CDH2: variants seen among roughly 807,000 people sequenced by gnomAD.
CDH2 encodes the protein cadherin-2.
In CDH2, 17 loss-of-function variants were observed where a neutral mutation model predicts 92.0. The observed-to-expected ratio is 0.18, with a 90% confidence interval of 0.13 to 0.28. The LOEUF is 0.28. CDH2 is among the 10% of genes least tolerant of loss of function. The pLI, the probability that CDH2 is intolerant of heterozygous loss-of-function variation, is 1.00. For missense variants in CDH2, 862 were observed against 1,133.1 expected, an observed-to-expected ratio of 0.76 and a Z score of 3.44; for synonymous variants, 419 against 415.9, an observed-to-expected ratio of 1.01 and a Z score of -0.09.
chr18:27,971,308 CT>C lies in CDH2; in HGVS notation c.2350-7788del, dbSNP rs60035433. Among the ~76,000 whole-genome samples, 292 of 114,418 alleles carry C rather than the reference CT, an allele frequency of 2.6e-3. 1 individual carries two copies. The highest frequency in any genetic ancestry group is 5.3e-3 in the East Asian group (20 of 3,770). The allele number at this position is 114,418 out of a possible 152,430, so 75.1% of individuals were successfully genotyped here. A position where few individuals can be genotyped will look rare whatever the true frequency, so the allele number is the denominator to read the frequency against. ...CCTATAGCATTTTTGCATGTCAGTT[CT>C]TTTTTTTTTTTTTTTTGCATAGTAC... On this transcript the variant is annotated intron_variant, in intron 14 of 15. Transcript: ENST00000269141.
chr18:28,025,499 C>T (rs1365012313), intron 2 of CDH2, among the ~76,000 whole-genome samples: 1 of 151,014 alleles, frequency 6.6e-6, no homozygotes, highest in Non-Finnish European at 1.5e-5. Context: ...ACCTGGGTGA[C>T]AGAGCGAGAC....
chr18:28,089,053 A>G (rs1599092181), intron 2 of CDH2, among the ~76,000 whole-genome samples: 1 of 152,238 alleles, frequency 6.6e-6, no homozygotes, highest in Non-Finnish European at 1.5e-5. Flanking sequence ...GCTCTTTCTC[A>G]TAACTGAATA....
At position 27,963,336 on chromosome 18, in the gene CDH2, A is replaced by AAAACG. The variant is rs758166463; in HGVS notation, c.2514+16_2514+20dup. Reference sequence around the variant, plus strand: ...GCATGAAATGAAAACTCTTATAGAGAAAACGAGTGTCTCTCTGTACCTCAT... The same window carrying AAAACG: ...GCATGAAATGAAAACTCTTATAGAGAAAACGAAACGAGTGTCTCTCTGTACCTCAT... On this transcript the variant is annotated intron_variant, in intron 15 of 15. Transcript: ENST00000269141. The AAAACG allele has an allele frequency of 3.2e-5, 51 of 1,612,584 alleles. 2 individuals are homozygous for AAAACG. In the South Asian group the frequency reaches 5.3e-4, roughly 17 times the overall value.
Position 28,102,878 on chromosome 18 carries a change from A to G in CDH2, c.172+44795T>C, listed in dbSNP as rs1304861182. On this transcript the variant is annotated intron_variant, in intron 2 of 15. Transcript: ENST00000269141. ...GGTGAGCAATGCTAAATATCTAGGA[A>G]TCCCTAACACTGCAATTAAAACTGG... 9.9e-5 allele frequency among the ~76,000 whole-genome samples: 15 copies of G among 151,946 alleles called. No homozygotes were observed. The South Asian group carries it at 2.1e-3, about 21-fold the overall frequency.
At chr18:28,067,878 T>C (rs908538990) in intron 2 of CDH2, among the ~76,000 whole-genome samples, 6 of 152,220 alleles carry the variant, frequency 3.9e-5, no homozygotes, top group Non-Finnish European at 8.8e-5. Context: ...TTCTCATTTC[T>C]ATAATGATAA....
At chr18:28,022,239 C>T (rs2013429900) in intron 2 of CDH2, among the ~76,000 whole-genome samples, 1 of 151,842 alleles carries the variant, frequency 6.6e-6, no homozygotes, top group South Asian at 2.1e-4. Flanking sequence ...CTTACCAATC[C>T]TTTCCACACA....
chr18:28,037,026 G>C (rs534640529), intron 2 of CDH2, among the ~76,000 whole-genome samples: 18 of 152,044 alleles, frequency 1.2e-4, no homozygotes, highest in African/African-American at 4.3e-4. Context: ...AAGGAACTTG[G>C]GTGAAAAGTC....
chr18:28,032,389 A>G (rs1431875107), intron 2 of CDH2, among the ~76,000 whole-genome samples: 2 of 152,144 alleles, frequency 1.3e-5, no homozygotes, highest in African/African-American at 4.8e-5. Flanking sequence ...GATTCATAAC[A>G]TAAGAAAACA....
chr18:27,998,282 T>C (rs1381324665), intron 7 of CDH2, among the ~76,000 whole-genome samples: 2 of 152,234 alleles, frequency 1.3e-5, no homozygotes, highest in African/African-American at 2.4e-5. Flanking sequence ...TTGAGCACTA[T>C]GTGCCCAGCA....
Position 27,982,900 on chromosome 18 carries a change from T to C in CDH2, c.2349+44A>G, listed in dbSNP as rs200014016. The C allele has an allele frequency of 4.9e-5, 68 of 1,381,608 alleles. No homozygotes were observed. The African/African-American group carries it at 8.8e-4, about 18-fold the overall frequency. 85.6% of individuals were successfully genotyped at this position (1,381,608 alleles called of 1,614,324 possible). ...TTAACACTTCCCACTATTAAATTTA[T>C]ACGATCATAAAATTTATTTTTAAAG... is the stretch of plus-strand genomic sequence containing the variant. On this transcript the variant is annotated intron_variant, in intron 14 of 15. Coordinates refer to ENST00000269141, the MANE Select transcript of CDH2 (RefSeq NM_001792.5).
chr18:27,984,936 T>C (rs1027542323), intron 13 of CDH2, 64 bp downstream of exon 13: 52 of 1,311,208 alleles, frequency 4.0e-5, no homozygotes, highest in Non-Finnish European at 5.4e-5. Flanking sequence ...TAGCAACACA[T>C]GACTTTGCTG....
chr18:28,100,270 A>AC (rs1233517946), intron 2 of CDH2, among the ~76,000 whole-genome samples: 2 of 152,212 alleles, frequency 1.3e-5, no homozygotes, highest in Non-Finnish European at 2.9e-5. Context: ...AATCAGCTGA[A>AC]GACCAGTTGA....
chr18:28,112,471 T>C (rs1054447500), intron 2 of CDH2, among the ~76,000 whole-genome samples: 3 of 152,036 alleles, frequency 2.0e-5, no homozygotes, highest in South Asian at 2.1e-4. Flanking sequence ...GGCACCGAGG[T>C]GGTGGATTCA....
Position 28,013,830 on chromosome 18 carries a change from A to G in CDH2, c.252T>C (p.Asp84=). 6.2e-7 allele frequency: 1 copy of G among 1,613,994 alleles called. No individual in the cohort carries two copies. Among genetic ancestry groups the G allele is most frequent in the East Asian group, 2.2e-5 (1 of 44,870 alleles). The change falls in exon 3 of 16, where the codon GAT becomes GAC. Residue 84 remains aspartate (D), a synonymous_variant. Transcript: ENST00000269141. Reference sequence around the variant, plus strand: ...AGCTTCTCACGGCATACACCATGCCATCTTCATCCACCTTAAAATCTGCAG... The same window carrying G: ...AGCTTCTCACGGCATACACCATGCCGTCTTCATCCACCTTAAAATCTGCAG... ...SEPADFKVDE[D]GMVYAVRSFP...
chr18:28,045,537 C>G (rs1224336495), intron 2 of CDH2: 3 of 420,104 alleles, frequency 7.1e-6, no homozygotes, highest in Non-Finnish European at 1.5e-5. Context: ...TGGAACACAT[C>G]CAACTGTTTC....
At chr18:28,043,675 T>C (rs371337355) in intron 2 of CDH2, among the ~76,000 whole-genome samples, 1 of 150,524 alleles carries the variant, frequency 6.6e-6, no homozygotes, top group East Asian at 2.0e-4. Flanking sequence ...CCACCAGCAC[T>C]ATTCTTATTA....
chr18:28,032,731 T>TG, intron 2 of CDH2, among the ~76,000 whole-genome samples: 1 of 152,208 alleles, frequency 6.6e-6, no homozygotes, highest in East Asian at 1.9e-4. Flanking sequence ...TCACAGAGTG[T>TG]AAGTTTCCTG....
chr18:27,949,486 T>C (rs1006000015), downstream of CDH2, among the ~76,000 whole-genome samples: 6 of 152,082 alleles, frequency 3.9e-5, no homozygotes, highest in South Asian at 2.1e-4. Flanking sequence ...AAAACTATTA[T>C]GTTCATATTA....
intron 1 of CDH2, among the ~76,000 whole-genome samples, chr18:28,171,584 G>A (rs535527678): frequency 5.4e-4 from 82 of 152,182 alleles, no homozygotes; most frequent in African/African-American, 1.9e-3. Flanking sequence ...AAATATAGAT[G>A]ACTTTAAACC....
Sources: allele counts gnomAD v4.1 joint callset (sites outside exome capture counted in the v4.1 genomes callset), GRCh38; gene constraint gnomAD v4.1.1; transcripts MANE v1.5; gene names NCBI Gene and HGNC (gene_info 2026-07-23, HGNC 2026-07-21).